Variants in THADA observed in about 807,000 individuals in gnomAD.
THADA encodes the protein THADA armadillo repeat containing, also known as tRNA (32-2'-O)-methyltransferase regulator THADA.
THADA carries 213 observed loss-of-function variants against 219.8 expected under a neutral mutation model. That is an observed-to-expected ratio of 0.97 (90% CI 0.87 to 1.09). THADA has a LOEUF of 1.09. Among genes scored for constraint, THADA ranks in the 50% least tolerant of loss-of-function variants. The pLI, the probability that THADA is intolerant of heterozygous loss-of-function variation, is 0.00. For synonymous variants in THADA, 1,018 were observed against 828.9 expected, an observed-to-expected ratio of 1.23 and a Z score of -3.92; for missense variants, 2,956 against 2,311.3, an observed-to-expected ratio of 1.28 and a Z score of -5.72.
intron 26 of THADA, among the ~76,000 whole-genome samples, chr2:43,432,542 C>T (rs1410168642): frequency 6.6e-6 from 1 of 150,902 alleles, no homozygotes; most frequent in Non-Finnish European, 1.5e-5. Flanking sequence ...TTCATTTCTC[C>T]TGGATTAATA....
At chr2:43,593,981 C>A (rs1451758047) in intron 1 of THADA, among the ~76,000 whole-genome samples, 18 of 152,160 alleles carry the variant, frequency 1.2e-4, no homozygotes. Context: ...GTACAAGCTA[C>A]AGGGAAACAG....
intron 1 of THADA, among the ~76,000 whole-genome samples, chr2:43,594,041 G>A (rs541521724): frequency 1.3e-5 from 2 of 152,180 alleles, no homozygotes; most frequent in Non-Finnish European, 2.9e-5. Context: ...TAAGGACTGG[G>A]CTACCTTTTA....
At chr2:43,586,031 A>C (rs954281294) in intron 7 of THADA, among the ~76,000 whole-genome samples, 3 of 152,122 alleles carry the variant, frequency 2.0e-5, no homozygotes, top group African/African-American at 2.4e-5. Flanking sequence ...TCGGGAGGCT[A>C]AAGCGGGCAC....
intron 24 of THADA, among the ~76,000 whole-genome samples, chr2:43,504,170 G>C (rs1689367979): frequency 6.6e-6 from 1 of 152,056 alleles, no homozygotes; most frequent in Non-Finnish European, 1.5e-5. Flanking sequence ...TAGGAAAATA[G>C]AACCAATTAC....
rs573945864 is a variant in THADA, at chr2:43,349,592, G to A, written c.4228-5355C>T. ...CCTCTTCACCAAGCATGGCTTCCAG[G>A]CAATTTTCCCCCTTATAAAATCAAC... On this transcript the variant is annotated intron_variant, in intron 29 of 37. Transcript: ENST00000405975. Among the ~76,000 whole-genome samples the A allele has an allele frequency of 2.0e-5, 3 of 152,198 alleles. No individual in the cohort carries two copies. In the East Asian group the frequency reaches 5.8e-4, roughly 29 times the overall value.
intron 30 of THADA, among the ~76,000 whole-genome samples, chr2:43,328,479 G>A (rs1054279114): frequency 5.3e-5 from 8 of 152,164 alleles, no homozygotes; most frequent in Non-Finnish European, 8.8e-5. Flanking sequence ...CTCCTACTTG[G>A]ATTTTCCTTT....
Position 43,292,092 on chromosome 2 carries a change from T to C in THADA, c.4937+12A>G, listed in dbSNP as rs752346798. On this transcript the variant is annotated intron_variant, in intron 33 of 37. Transcript: ENST00000405975. ...TCTTACCAAGGTTGCACAGGAGGTTTTGGGGGCAAACCTTTCATTGGAAGC... is the reference window on the plus strand; with the variant it reads ...TCTTACCAAGGTTGCACAGGAGGTTCTGGGGGCAAACCTTTCATTGGAAGC... 2 of 1,576,466 alleles carry C rather than the reference T, an allele frequency of 1.3e-6. No homozygotes were observed. Among genetic ancestry groups the C allele is most frequent in the Non-Finnish European group, 1.7e-6 (2 of 1,157,892 alleles).
At chr2:43,241,906 G>A (rs896035779) in intron 36 of THADA, among the ~76,000 whole-genome samples, 2 of 152,168 alleles carry the variant, frequency 1.3e-5, no homozygotes, top group Non-Finnish European at 2.9e-5. Flanking sequence ...AGAGAACACT[G>A]AGTCCCTCAA....
chr2:43,542,836 T>G (rs896686890), intron 20 of THADA, among the ~76,000 whole-genome samples: 1 of 152,190 alleles, frequency 6.6e-6, no homozygotes, highest in African/African-American at 2.4e-5. Flanking sequence ...CAGCACCTAA[T>G]AGGCTGGTGA....
At position 43,575,006 on chromosome 2, in the gene THADA, T is replaced by G. The variant is rs1243311242; in HGVS notation, c.1059A>C (p.Glu353Asp). 2 of 1,611,610 alleles carry G rather than the reference T, an allele frequency of 1.2e-6. No individual in the cohort carries two copies. Among genetic ancestry groups the G allele is most frequent in the Non-Finnish European group, 1.7e-6 (2 of 1,178,802 alleles). ...LSSQIKEPTLEMFLSRILASW... is the reference protein window; with the variant it reads ...LSSQIKEPTLDMFLSRILASW... ...ATGCTAAGATTCTAGACAGAAACAT[T>G]TCCAGCGTTGGCTCTTTAATCCTGA... Residue 353 changes from glutamate (E) to aspartate (D), a missense_variant, in exon 11 of 38, where the codon GAA becomes GAC. Glu to Asp is a conservative substitution (Grantham distance 45). Transcript: ENST00000405975.
intron 30 of THADA, among the ~76,000 whole-genome samples, chr2:43,337,694 TACACACACACACAC>T (rs139544201): frequency 6.8e-6 from 1 of 146,300 alleles, no homozygotes; most frequent in Non-Finnish European, 1.5e-5. Flanking sequence ...CACACACTCA[TACACACACACACAC>T]ACACACACAC....
chr2:43,527,112 T>G (rs913340668), intron 22 of THADA, among the ~76,000 whole-genome samples: 1 of 152,206 alleles, frequency 6.6e-6, no homozygotes. Context: ...TCAAAAATAT[T>G]CAAGGAATAG....
chr2:43,313,858 G>A (rs13412856), intron 31 of THADA, among the ~76,000 whole-genome samples: 4,042 of 152,316 alleles, frequency 0.027, 182 homozygotes, highest in African/African-American at 0.091. Context: ...TGGTTGTGCC[G>A]TGAGGCCACA....
chr2:43,378,036 G>A (rs1041879599), intron 29 of THADA, among the ~76,000 whole-genome samples: 2 of 152,242 alleles, frequency 1.3e-5, no homozygotes, highest in Non-Finnish European at 2.9e-5. Context: ...ATAGATTTTG[G>A]AGAAAATATT....
chr2:43,544,437 T>C (rs1244001588), intron 20 of THADA, among the ~76,000 whole-genome samples: 1 of 152,206 alleles, frequency 6.6e-6, no homozygotes, highest in African/African-American at 2.4e-5. Context: ...TTGATGGGGA[T>C]GGCATTGAAT....
intron 29 of THADA, among the ~76,000 whole-genome samples, chr2:43,345,429 C>A (rs985771978): frequency 3.9e-5 from 6 of 152,182 alleles, no homozygotes; most frequent in African/African-American, 1.2e-4. Flanking sequence ...TTCTTCTAAA[C>A]AGAAGTAACT....
intron 22 of THADA, among the ~76,000 whole-genome samples, 200 bp from the exon 23 acceptor site, chr2:43,508,980 T>C (rs975233651): frequency 7.2e-5 from 11 of 152,192 alleles, no homozygotes; most frequent in African/African-American, 2.7e-4. Flanking sequence ...TTCTAACAAC[T>C]GCAGTGTTTA....
intron 30 of THADA, among the ~76,000 whole-genome samples, chr2:43,321,780 C>T (rs1047602636): frequency 6.6e-6 from 1 of 152,178 alleles, no homozygotes; most frequent in Non-Finnish European, 1.5e-5. Context: ...AAATGCCCAC[C>T]TCAGTGCCTG....
chr2:43,351,910 C>T (rs755123333), intron 29 of THADA, among the ~76,000 whole-genome samples: 1 of 152,140 alleles, frequency 6.6e-6, no homozygotes, highest in Non-Finnish European at 1.5e-5. Context: ...TTGTCAAGGG[C>T]CCCCAACAAG....
Sources: gnomAD v4.1 joint callset for allele counts (sites outside exome capture counted in the v4.1 genomes callset) on GRCh38, gnomAD v4.1.1 for gene constraint, MANE v1.5 for transcripts, NCBI Gene and HGNC (gene_info 2026-07-23, HGNC 2026-07-21) for gene names.